Variants in RARG observed in about 807,000 individuals in gnomAD.
The protein encoded by RARG is RAR-gamma.
In RARG, 17 loss-of-function variants were observed where a neutral mutation model predicts 43.7. The observed-to-expected ratio is 0.39, with a 90% CI of 0.27 to 0.58. RARG has a LOEUF of 0.58. Among genes scored for constraint, RARG ranks in the 20% least tolerant of loss-of-function variants. RARG has a pLI of 0.57. For missense variants in RARG, 346 were observed against 598.7 expected (o/e 0.58, Z 4.40); for synonymous variants, 238 against 236.4 (o/e 1.01, Z -0.06).
chr12:53,215,333 G>A lies in RARG; in HGVS notation c.435C>T (p.Cys145=). The change falls in exon 5 of 10, where the codon TGC becomes TGT. Residue 145 remains cysteine (C), a synonymous_variant. Transcript: ENST00000425354. This position sits in a 1 kb window ranked among gnomAD's most constrained non-coding sequence, Gnocchi z 6.4. The part of the protein sequence containing the change: ...NKVTRNRCQY[C]RLQKCFEVGM... ...CCACTTCGAAGCACTTCTGTAGCCG[G>A]CAGTACTGGCAGCGATTCCTGGTCA... 1 of 1,614,120 alleles carries A rather than the reference G, an allele frequency of 6.2e-7. No homozygotes were observed. The highest frequency in any genetic ancestry group is 8.5e-7 in the Non-Finnish European group (1 of 1,180,004).
intron 3 of RARG, among the ~76,000 whole-genome samples, chr12:53,223,066 G>A (rs1259986772): frequency 2.6e-5 from 4 of 152,060 alleles, no homozygotes; most frequent in Admixed American, 6.6e-5. Context: ...ATTCTTTCGG[G>A]GTCACCCCTT....
chr12:53,213,041 A>G lies in RARG; in HGVS notation c.1177+44T>C, dbSNP rs768198127. 2 of 1,564,326 alleles carry G rather than the reference A, an allele frequency of 1.3e-6. No homozygotes were observed. Among genetic ancestry groups the G allele is most frequent in the Non-Finnish European group, 8.7e-7 (1 of 1,151,096 alleles). ...TCCTCCTGTCCGACCTGGGAGACCA[A>G]CAGCCCTGGGAAGACAGAGAGGGGA... On this transcript the variant is annotated intron_variant, in intron 9 of 9. Coordinates refer to ENST00000425354, the MANE Select transcript of RARG (RefSeq NM_000966.6). The surrounding 1 kb of genome is among the most constrained non-coding windows in gnomAD (Gnocchi z 4.7).
In RARG at chr12:53,231,223, T is replaced by C. The variant is rs1476380365; in HGVS notation, c.-197A>G. On this transcript the variant is annotated 5_prime_UTR_variant, in exon 2 of 10. Coordinates refer to ENST00000425354, the MANE Select transcript of RARG (RefSeq NM_000966.6). ...ACATACTGGGTCAGGTTGAGGGAAC[T>C]GGGCCGTAGCTGCTAAAGACAGAGA... 1 of 152,284 alleles carries C rather than the reference T, an allele frequency of 6.6e-6. No homozygotes were observed. Among genetic ancestry groups the C allele is most frequent in the Non-Finnish European group, 1.5e-5 (1 of 68,076 alleles). The allele number at this position is 152,284 out of a possible 1,614,324, so 9.4% of individuals were successfully genotyped here. A position where few individuals can be genotyped will look rare whatever the true frequency, so the allele number is the denominator to read the frequency against.
At chr12:53,214,908 C>T (rs1592429811) in intron 5 of RARG, 1 of 417,478 alleles carries the variant, frequency 2.4e-6, no homozygotes, top group East Asian at 4.0e-5. Context: ...GCAGGATATC[C>T]ACTTATAGCC....
rs1258392422 is a variant in RARG at position 53,223,352 on chromosome 12, T to C, written c.184+4010A>G. On this transcript the variant is annotated intron_variant, in intron 3 of 9. Coordinates refer to ENST00000425354, the MANE Select transcript of RARG (RefSeq NM_000966.6). ...TGAAGGGCAATGGGAGGGGGGTCTC[T>C]GGAGGAGGGGGCAGCAGAAGAGCAG... Among the ~76,000 whole-genome samples, 4 of 148,924 alleles carry C rather than the reference T, an allele frequency of 2.7e-5. No homozygotes were observed. The East Asian group carries it at 7.9e-4, about 29-fold the overall frequency.
At chr12:53,221,626 T>G (rs1056565421) in intron 3 of RARG, among the ~76,000 whole-genome samples, 1 of 151,968 alleles carries the variant, frequency 6.6e-6, no homozygotes, top group African/African-American at 2.4e-5. Flanking sequence ...GGGGGTGAGG[T>G]GGGCGGGGGG....
chr12:53,222,928 T>C (rs1943011912), intron 3 of RARG, among the ~76,000 whole-genome samples: 1 of 152,088 alleles, frequency 6.6e-6, no homozygotes, highest in African/African-American at 2.4e-5. Context: ...GCTGCCTGAC[T>C]CACCCCCTTC....
intron 3 of RARG, among the ~76,000 whole-genome samples, chr12:53,221,415 C>T (rs1428775457): frequency 1.3e-5 from 2 of 152,228 alleles, no homozygotes; most frequent in African/African-American, 4.8e-5. Context: ...GGCCAACTCC[C>T]CTCCTCCAGT....
In RARG at chr12:53,220,003, G is replaced by A. The variant is rs868665572; in HGVS notation, c.185-4209C>T. Reference sequence around the variant, plus strand: ...AAAAGATTCAAGTCCGGCGAAACAGGAGCCGCCGGTGGCTCTGCGCAGCAA... The same window carrying A: ...AAAAGATTCAAGTCCGGCGAAACAGAAGCCGCCGGTGGCTCTGCGCAGCAA... On this transcript the variant is annotated intron_variant, in intron 3 of 9. Coordinates refer to ENST00000425354, the MANE Select transcript of RARG (RefSeq NM_000966.6). 44 of 1,524,848 alleles carry A rather than the reference G, an allele frequency of 2.9e-5. No individual in the cohort carries two copies. In the Middle Eastern group the frequency reaches 2.9e-3, roughly 101 times the overall value. 94.5% of individuals were successfully genotyped at this position (1,524,848 alleles called of 1,614,324 possible).
chr12:53,213,257 T>A lies in RARG; in HGVS notation c.1019-14A>T. On this transcript the variant is annotated splice_polypyrimidine_tract_variant and intron_variant, in intron 8 of 9. Transcript: ENST00000425354. The surrounding 1 kb of genome is among the most constrained non-coding windows in gnomAD (Gnocchi z 4.7). The stretch of plus-strand genomic sequence containing the variant: ...GGTCCATGCGGTCTATGGGGACAAG[T>A]ATACTGGAGTGAGAGGGGAAGGAAG... 1 of 1,551,474 alleles carries A rather than the reference T, an allele frequency of 6.4e-7. No homozygotes were observed. The highest frequency in any genetic ancestry group is 8.9e-7 in the Non-Finnish European group (1 of 1,126,344).
At chr12:53,219,950 A>C (rs1305124318) in intron 3 of RARG, 1 of 1,514,808 alleles carries the variant, frequency 6.6e-7, no homozygotes, top group African/African-American at 1.4e-5. Flanking sequence ...CGGTACCTAC[A>C]TTGCAGGCTG....
intron 3 of RARG, among the ~76,000 whole-genome samples, chr12:53,226,136 TC>T (rs1292706468): frequency 1.3e-5 from 2 of 152,006 alleles, no homozygotes; most frequent in African/African-American, 4.8e-5. Flanking sequence ...CACCTTTTTT[TC>T]TCTCTCTCTC....
chr12:53,214,090 G>C lies in RARG; in HGVS notation c.782C>G (p.Thr261Ser). Reference sequence around the variant, plus strand: ...ATCTAGGCAGGCAGCTTTGAGCAGAGTGATCTGGTCAGCAATGCTGAGCCC... The same window carrying C: ...ATCTAGGCAGGCAGCTTTGAGCAGACTGATCTGGTCAGCAATGCTGAGCCC... ...FTGLSIADQI[T>S]LLKAACLDIL... Residue 261 changes from threonine (T) to serine (S), a missense_variant, in exon 7 of 10, where the codon ACT (threonine) becomes AGT (serine). Thr to Ser is a moderately conservative substitution (Grantham distance 58). Coordinates refer to ENST00000425354, the MANE Select transcript of RARG (RefSeq NM_000966.6). The C allele has an allele frequency of 6.2e-7, 1 of 1,613,992 alleles. No homozygotes were observed. The highest frequency in any genetic ancestry group is 2.2e-5 in the East Asian group (1 of 44,874).
In RARG at chr12:53,211,484, G is replaced by A. The variant is rs1320951529; in HGVS notation, c.*192C>T. On this transcript the variant is annotated 3_prime_UTR_variant, in exon 10 of 10. Transcript: ENST00000425354. The surrounding 1 kb of genome is among the most constrained non-coding windows in gnomAD (Gnocchi z 4.6). ...AGCAGGGCAGGCCCCCGGGACTGGC[G>A]AGGGAGCCGGTTAGATCAGGAAGGG... The A allele has an allele frequency of 1.6e-5, 8 of 487,514 alleles. No individual in the cohort carries two copies. Among genetic ancestry groups the A allele is most frequent in the South Asian group, 1.3e-4 (3 of 22,244 alleles). The allele number at this position is 487,514 out of a possible 1,614,324, so 30.2% of individuals were successfully genotyped here. A position where few individuals can be genotyped will look rare whatever the true frequency, so the allele number is the denominator to read the frequency against.
In RARG at chr12:53,221,481, C is replaced by T. The variant is rs563752095; in HGVS notation, c.185-5687G>A. ...GGGGCGCTTCTGGTCACTGACTGTT[C>T]TCAGGGTCTTTAAATACCCTCTAGC... On this transcript the variant is annotated intron_variant, in intron 3 of 9. Transcript: ENST00000425354. Among the ~76,000 whole-genome samples, 74 of 152,298 alleles carry T rather than the reference C, an allele frequency of 4.9e-4. 1 individual carries two copies. Among genetic ancestry groups the T allele is most frequent in the Admixed American group, 2.9e-3 (44 of 15,314 alleles).
At chr12:53,218,852 C>T (rs1352785292) in intron 3 of RARG, among the ~76,000 whole-genome samples, 2 of 151,956 alleles carry the variant, frequency 1.3e-5, no homozygotes, top group Non-Finnish European at 2.9e-5. Context: ...CCCTCATCCC[C>T]GGGCCGTCCG....
In RARG at chr12:53,220,403, G is replaced by A; in HGVS notation, c.185-4609C>T. 3 of 143,374 alleles carry A rather than the reference G, an allele frequency of 2.1e-5. 1 individual carries two copies. The highest frequency in any genetic ancestry group is 4.2e-5 in the Non-Finnish European group (3 of 70,874). 8.9% of individuals were successfully genotyped at this position (143,374 alleles called of 1,614,324 possible). On this transcript the variant is annotated intron_variant, in intron 3 of 9. Coordinates refer to ENST00000425354, the MANE Select transcript of RARG (RefSeq NM_000966.6). Reference sequence around the variant, plus strand: ...AAAAGCGAAGCCTGGAGGGGTGGGGGGTGGGGCTTGGAGAGCGAAGGGGGC... The same window carrying A: ...AAAAGCGAAGCCTGGAGGGGTGGGGAGTGGGGCTTGGAGAGCGAAGGGGGC...
chr12:53,227,603 C>T lies in RARG; in HGVS notation c.-58G>A. The T allele has an allele frequency of 7.1e-7, 1 of 1,417,030 alleles. No individual in the cohort carries two copies. 87.8% of individuals were successfully genotyped at this position (1,417,030 alleles called of 1,614,324 possible). ...GCAGTGGGCGGGCGAGGTCTTCAGC[C>T]ACAGCCCCTGCCCATGCCCACTGCC... On this transcript the variant is annotated 5_prime_UTR_variant, in exon 3 of 10. Coordinates refer to ENST00000425354, the MANE Select transcript of RARG (RefSeq NM_000966.6). The surrounding 1 kb of genome is among the most constrained non-coding windows in gnomAD (Gnocchi z 4.3).
At chr12:53,217,477 G>A (rs1376478654) in intron 3 of RARG, among the ~76,000 whole-genome samples, 1 of 152,236 alleles carries the variant, frequency 6.6e-6, no homozygotes, top group Non-Finnish European at 1.5e-5. Flanking sequence ...CCTGGGTGCG[G>A]TCAGACTGGC....
Sources: allele counts gnomAD v4.1 joint callset (sites outside exome capture counted in the v4.1 genomes callset), GRCh38; gene constraint gnomAD v4.1.1; non-coding constraint Gnocchi (gnomAD v3.1); transcripts MANE v1.5; gene names NCBI Gene and HGNC (gene_info 2026-07-23, HGNC 2026-07-21).